ZNF730: variants seen among roughly 807,000 people sequenced by gnomAD.
ZNF730 encodes putative zinc finger protein 730.
A neutral mutation model predicts 12.6 loss-of-function variants in ZNF730; 12 were observed. That is an observed-to-expected ratio of 0.95 (90% CI 0.61 to 1.54). The LOEUF (loss-of-function observed/expected upper bound fraction) is 1.54. Ranked by LOEUF, ZNF730 falls within the 40% of genes most tolerant of loss-of-function variation. ZNF730 has a pLI of 0.00. For synonymous variants in ZNF730, 194 were observed against 195.8 expected (o/e 0.99, Z 0.08); for missense variants, 643 against 583.5 (o/e 1.10, Z -1.05).
rs114438727 is a variant in ZNF730, at chr19:23,090,645, G to T, written c.-94+15258G>T. 9.0e-3 allele frequency among the ~76,000 whole-genome samples: 1,375 copies of T among 152,184 alleles called. 28 individuals carry two copies. Among genetic ancestry groups the T allele is most frequent in the African/African-American group, 0.032 (1,323 of 41,538 alleles). On this transcript the variant is annotated intron_variant, in intron 1 of 2. Coordinates refer to the ZNF730 transcript ENST00000593635. Reference sequence around the variant, plus strand: ...AAGACCATGGGGAAAACATCTCTAGGCCATGTCAGAGATTTTCACAGCAGC... The same window carrying T: ...AAGACCATGGGGAAAACATCTCTAGTCCATGTCAGAGATTTTCACAGCAGC...
At chr19:23,114,066 A>G (rs902770128), upstream of ZNF730, among the ~76,000 whole-genome samples, 1 of 152,152 alleles carries the variant, frequency 6.6e-6, no homozygotes, top group Admixed American at 6.5e-5. Context: ...AAATGTTCAA[A>G]CCATGTTTAA....
At chr19:23,125,998 T>C (rs1349725235) in intron 1 of ZNF730, among the ~76,000 whole-genome samples, 1 of 152,210 alleles carries the variant, frequency 6.6e-6, no homozygotes, top group African/African-American at 2.4e-5. Flanking sequence ...TGCATTTGCT[T>C]TTCTTCAGAA....
intron 1 of ZNF730, among the ~76,000 whole-genome samples, chr19:23,107,546 C>A (rs1005810390): frequency 6.9e-6 from 1 of 144,756 alleles, no homozygotes; most frequent in African/African-American, 2.6e-5. Flanking sequence ...CCAAGCTCGT[C>A]TTGAACTCTT....
intron 1 of ZNF730, among the ~76,000 whole-genome samples, chr19:23,078,819 T>A (rs1410707907): frequency 6.6e-6 from 1 of 152,234 alleles, no homozygotes; most frequent in Non-Finnish European, 1.5e-5. Flanking sequence ...TCTTTTTTTT[T>A]TTTGAAATGG....
intron 1 of ZNF730, among the ~76,000 whole-genome samples, chr19:23,077,662 G>T (rs958900677): frequency 1.3e-5 from 2 of 151,584 alleles, no homozygotes; most frequent in African/African-American, 4.9e-5. Context: ...GGCTGGTCTT[G>T]AACTCCTGAT....
rs577506701 is a variant in ZNF730, at chr19:23,086,639, G to C, written c.-94+11252G>C. 4.0e-5 allele frequency among the ~76,000 whole-genome samples: 6 copies of C among 151,528 alleles called. No individual in the cohort carries two copies. The South Asian group carries it at 1.3e-3, about 32-fold the overall frequency. ...TTCTGGCCCTCTATTCTGTTCCATT[G>C]GTCTGTTTCTGTTCTTGTACCAGTA... is the stretch of plus-strand genomic sequence containing the variant. On this transcript the variant is annotated intron_variant, in intron 1 of 2. Coordinates refer to the ZNF730 transcript ENST00000593635.
chr19:23,085,038 A>G (rs758463410), intron 1 of ZNF730, among the ~76,000 whole-genome samples: 10 of 152,244 alleles, frequency 6.6e-5, no homozygotes, highest in Middle Eastern at 3.4e-3. Flanking sequence ...AAATCACCAC[A>G]CTGTCTTCAA....
intron 1 of ZNF730, among the ~76,000 whole-genome samples, chr19:23,091,102 C>T (rs557221877): frequency 6.6e-6 from 1 of 152,226 alleles, no homozygotes; most frequent in South Asian, 2.1e-4. Context: ...GTCCCAGCTA[C>T]TCTAGCCATG....
chr19:23,076,053 G>C (rs545647659), intron 1 of ZNF730, among the ~76,000 whole-genome samples: 2 of 117,790 alleles, frequency 1.7e-5, no homozygotes, highest in Non-Finnish European at 3.3e-5. Flanking sequence ...GTGGCAAGCA[G>C]GGCTCTAATC....
intron 3 of ZNF730, among the ~76,000 whole-genome samples, chr19:23,138,282 C>CAAAAAAAAAAAA (rs1315758966): frequency 2.1e-4 from 2 of 9,458 alleles, no homozygotes; most frequent in African/African-American, 5.2e-4. Context: ...GACTCCGTCT[C>CAAAAAAAAAAAA]AAAAAAAAAA....
intron 1 of ZNF730, among the ~76,000 whole-genome samples, chr19:23,133,578 G>A (rs946597852): frequency 5.3e-5 from 8 of 152,146 alleles, no homozygotes; most frequent in Non-Finnish European, 1.0e-4. Context: ...CTGACCTCAG[G>A]TGATCCGCCT....
In ZNF730 at chr19:23,093,360, C is replaced by T. The variant is rs538549208; in HGVS notation, c.-94+17973C>T. Among the ~76,000 whole-genome samples, 20 of 152,328 alleles carry T rather than the reference C, an allele frequency of 1.3e-4. No homozygotes were observed. In the South Asian group the frequency reaches 3.9e-3, roughly 30 times the overall value. On this transcript the variant is annotated intron_variant, in intron 1 of 2. Transcript: ENST00000593635. ...TGGTGGAATTCAACTGTGAATCTTT[C>T]TTCCCATGGGGACTCAGGGACCATC...
chr19:23,101,445 A>G (rs934099475), intron 1 of ZNF730, among the ~76,000 whole-genome samples: 1 of 152,206 alleles, frequency 6.6e-6, no homozygotes, highest in African/African-American at 2.4e-5. Context: ...CTTAGACCCA[A>G]CGTACAGAAA....
At chr19:23,078,852 T>C (rs1421708020) in intron 1 of ZNF730, among the ~76,000 whole-genome samples, 1 of 152,166 alleles carries the variant, frequency 6.6e-6, no homozygotes, top group Non-Finnish European at 1.5e-5. Flanking sequence ...GTGCCCAGAC[T>C]GGAGTGCAGT....
chr19:23,078,778 AT>A (rs1242278170), intron 1 of ZNF730, among the ~76,000 whole-genome samples: 2 of 151,334 alleles, frequency 1.3e-5, no homozygotes, highest in Non-Finnish European at 2.9e-5. Context: ...CTGAAGAATA[AT>A]TTTCCACTCT....
intron 1 of ZNF730, among the ~76,000 whole-genome samples, chr19:23,105,428 CTACAATATTTTA>C (rs1424413271): frequency 6.6e-6 from 1 of 151,950 alleles, no homozygotes; most frequent in Non-Finnish European, 1.5e-5. Context: ...CCAATATTTT[CTACAATATTTTA>C]TACATTTCTT....
intron 1 of ZNF730, chr19:23,127,914 T>C: frequency 1.5e-6 from 1 of 680,976 alleles, no homozygotes; most frequent in South Asian, 1.6e-5. Context: ...CAAAATATGA[T>C]GTGAAGGTTG....
chr19:23,142,355 G>C (rs563220836), intron 3 of ZNF730, among the ~76,000 whole-genome samples: 1 of 152,016 alleles, frequency 6.6e-6, no homozygotes, highest in African/African-American at 2.4e-5. Flanking sequence ...GTTGGATCTT[G>C]GTTTTTAAAA....
upstream of ZNF730, among the ~76,000 whole-genome samples, chr19:23,116,722 A>G (rs897809308): frequency 2.0e-5 from 3 of 151,968 alleles, no homozygotes; most frequent in African/African-American, 7.2e-5. Flanking sequence ...CGCCCGGTCT[A>G]TGTTCTTTTG....
Sources: gnomAD v4.1 joint callset for allele counts (sites outside exome capture counted in the v4.1 genomes callset) on GRCh38, gnomAD v4.1.1 for gene constraint, MANE v1.5 for transcripts, NCBI Gene and HGNC (gene_info 2026-07-23, HGNC 2026-07-21) for gene names.